Variants in ACER1 observed in about 807,000 individuals in gnomAD.
ACER1 encodes the protein alkaline ceramidase 1, also known as CTB-180A7.3.
In ACER1, 28 loss-of-function variants were observed where a neutral mutation model predicts 24.9. The observed-to-expected ratio is 1.13, with a 90% confidence interval of 0.83 to 1.54. The LOEUF is 1.54. Among genes scored for constraint, ACER1 ranks in the 40% most tolerant of loss-of-function variants. The pLI is 0.00. For missense variants in ACER1, 352 were observed against 349.3 expected (o/e 1.01, Z -0.06); for synonymous variants, 132 against 131.4 (o/e 1.00, Z -0.03).
chr19:6,327,974 G>A (rs2145016088), intron 1 of ACER1, among the ~76,000 whole-genome samples: 1 of 151,738 alleles, frequency 6.6e-6, no homozygotes, highest in East Asian at 1.9e-4. Flanking sequence ...TACTCGGGAG[G>A]TTGAGACAGG....
chr19:6,332,233 C>G (rs2091691121), intron 1 of ACER1, among the ~76,000 whole-genome samples: 1 of 146,530 alleles, frequency 6.8e-6, no homozygotes, highest in Non-Finnish European at 1.5e-5. Flanking sequence ...TCGCAAAGTG[C>G]TGTGATTACA....
chr19:6,336,819 C>CAA (rs57500077), upstream of ACER1, among the ~76,000 whole-genome samples: 4,284 of 67,618 alleles, frequency 0.063, 213 homozygotes, highest in African/African-American at 0.14. Flanking sequence ...GACCCCGACT[C>CAA]AAAAAAAAAA....
intron 2 of ACER1, 32 bp from the exon 3 acceptor site, chr19:6,312,322 T>C (rs1391271603): frequency 6.2e-7 from 1 of 1,613,472 alleles, no homozygotes. Context: ...GTCAGTGGGG[T>C]CCGCCACCTC....
chr19:6,309,588 T>G, intron 4 of ACER1, 109 bp downstream of exon 4: 4 of 1,394,288 alleles, frequency 2.9e-6, no homozygotes, highest in Non-Finnish European at 3.0e-6. Flanking sequence ...CCCTGCTACT[T>G]GTTAGTGGGT....
intron 1 of ACER1, among the ~76,000 whole-genome samples, chr19:6,333,078 G>A (rs930210284): frequency 4.6e-5 from 7 of 152,064 alleles, no homozygotes; most frequent in African/African-American, 1.7e-4. Context: ...CCTCTTCCAG[G>A]AAGCCTTTCC....
At chr19:6,341,114 C>A in the ACER1 span, among the ~76,000 whole-genome samples, 1 of 151,540 alleles carries the variant, frequency 6.6e-6, no homozygotes, top group Non-Finnish European at 1.5e-5. Context: ...TTGTTCTTTT[C>A]TTTTGAGACG....
the ACER1 span, among the ~76,000 whole-genome samples, chr19:6,358,363 CCTCT>C: frequency 3.3e-3 from 507 of 152,270 alleles, 3 homozygotes; most frequent in East Asian, 0.027. Context: ...CAACTCCCTC[CCTCT>C]GTCTTACTCC....
intron 4 of ACER1, among the ~76,000 whole-genome samples, chr19:6,308,608 T>C (rs186086557): frequency 6.2e-4 from 95 of 152,280 alleles, no homozygotes; most frequent in Non-Finnish European, 1.2e-3. Flanking sequence ...TATTTATTCT[T>C]AACCAACAAG....
intron 1 of ACER1, among the ~76,000 whole-genome samples, chr19:6,319,992 G>C (rs968580063): frequency 1.1e-4 from 17 of 151,048 alleles, no homozygotes; most frequent in Non-Finnish European, 2.1e-4. Flanking sequence ...TGCCTGTAGT[G>C]CCAGCTACTC....
intron 4 of ACER1, among the ~76,000 whole-genome samples, chr19:6,308,843 G>A (rs555009359): frequency 7.2e-5 from 11 of 152,268 alleles, no homozygotes; most frequent in African/African-American, 2.2e-4. Flanking sequence ...GTTAGTGGGC[G>A]TGGGGAGGTT....
At chr19:6,341,164 G>C in the ACER1 span, among the ~76,000 whole-genome samples, 1 of 150,006 alleles carries the variant, frequency 6.7e-6, no homozygotes, top group Admixed American at 6.6e-5. Context: ...GCACTGGCGC[G>C]ATCTCGGCTC....
intron 1 of ACER1, among the ~76,000 whole-genome samples, chr19:6,321,891 T>C (rs10418702): frequency 0.1 from 15,454 of 151,918 alleles, 1,076 homozygotes; most frequent in African/African-American, 0.19. Context: ...GGATGACAGG[T>C]ATGAGCCACT....
chr19:6,326,981 T>G (rs1462874148), intron 1 of ACER1, among the ~76,000 whole-genome samples: 1 of 152,132 alleles, frequency 6.6e-6, no homozygotes, highest in East Asian at 1.9e-4. Flanking sequence ...CTGCTATCCT[T>G]CCCCACTTGG....
At chr19:6,314,771 C>T (rs1023443736) in intron 1 of ACER1, among the ~76,000 whole-genome samples, 1 of 152,110 alleles carries the variant, frequency 6.6e-6, no homozygotes, top group African/African-American at 2.4e-5. Flanking sequence ...CTAAAATATA[C>T]CTGCGTTCAT....
chr19:6,324,690 G>A (rs896239952), intron 1 of ACER1, among the ~76,000 whole-genome samples: 4 of 151,518 alleles, frequency 2.6e-5, no homozygotes, highest in Admixed American at 1.3e-4. Flanking sequence ...TCTTGAACCC[G>A]GGAGGCAGAG....
At chr19:6,326,958 T>C (rs2091664245) in intron 1 of ACER1, among the ~76,000 whole-genome samples, 2 of 152,204 alleles carry the variant, frequency 1.3e-5, no homozygotes, top group Non-Finnish European at 2.9e-5. Context: ...TGAGCACATC[T>C]TTCCCTGCTC....
At position 6,306,594 on chromosome 19, in the gene ACER1, G is replaced by A. The variant is rs554623771; in HGVS notation, c.*120C>T. On this transcript the variant is annotated 3_prime_UTR_variant, in exon 6 of 6. Coordinates refer to ENST00000301452, the MANE Select transcript of ACER1 (RefSeq NM_133492.3). ...GGGCAGCGCAGGACAAGGAGGACAC[G>A]GAAGGGGAAACAGAGGAAGGAACCA... 1.1e-5 allele frequency: 14 copies of A among 1,244,118 alleles called. No homozygotes were observed. The highest frequency in any genetic ancestry group is 7.6e-5 in the African/African-American group (5 of 66,158). 77.1% of individuals were successfully genotyped at this position (1,244,118 alleles called of 1,614,324 possible).
intron 1 of ACER1, among the ~76,000 whole-genome samples, chr19:6,321,048 AT>A: frequency 6.6e-6 from 1 of 151,776 alleles, no homozygotes; most frequent in Non-Finnish European, 1.5e-5. Flanking sequence ...ATACTATAAA[AT>A]TCACTCTTTT....
the ACER1 span, among the ~76,000 whole-genome samples, chr19:6,352,215 T>C: frequency 6.6e-6 from 1 of 152,256 alleles, no homozygotes; most frequent in East Asian, 1.9e-4. Context: ...CCGAGTCTAT[T>C]TCATCTCCTC....
Sources: gnomAD v4.1 joint callset for allele counts (sites outside exome capture counted in the v4.1 genomes callset) on GRCh38, gnomAD v4.1.1 for gene constraint, MANE v1.5 for transcripts, NCBI Gene and HGNC (gene_info 2026-07-23, HGNC 2026-07-21) for gene names.